Variants in MREG observed in about 807,000 individuals in gnomAD.
MREG encodes the protein dilute suppressor protein homolog.
A neutral mutation model predicts 28.5 loss-of-function variants in MREG; 31 were observed. That is an observed-to-expected ratio of 1.09 (90% CI 0.82 to 1.47). MREG has a LOEUF of 1.47. Among genes scored for constraint, MREG ranks in the 40% most tolerant of loss-of-function variants. The pLI, the probability that MREG is intolerant of heterozygous loss-of-function variation, is 0.00. For missense variants in MREG, 256 were observed against 257.4 expected (o/e 0.99, Z 0.04); for synonymous variants, 106 against 95.2 (o/e 1.11, Z -0.66).
intron 2 of MREG, among the ~76,000 whole-genome samples, chr2:215,949,035 TCTACTACTACTACTACTA>T (rs67462853): frequency 4.4e-4 from 58 of 131,090 alleles, no homozygotes; most frequent in African/African-American, 1.3e-3. Context: ...AAACCCTGTC[TCTACTACTACTACTACTA>T]CTACTACTAC....
At chr2:216,015,139 G>GTGCGCGCATGTGTGCGCGCGTGCA, upstream of MREG, among the ~76,000 whole-genome samples, 1 of 73,560 alleles carries the variant, frequency 1.4e-5, no homozygotes, top group African/African-American at 7.1e-5. Flanking sequence ...GCGCGCGTGC[G>GTGCGCGCATGTGTGCGCGCGTGCA]TCTGTGCGTG....
intron 2 of MREG, among the ~76,000 whole-genome samples, chr2:215,948,240 C>CTATA (rs1692372143): frequency 6.6e-6 from 1 of 152,154 alleles, no homozygotes; most frequent in Non-Finnish European, 1.5e-5. Flanking sequence ...TTATAGATAC[C>CTATA]ACTTGGAAAA....
chr2:216,033,752 C>T (rs1035362456), upstream of MREG: 1 of 152,374 alleles, frequency 6.6e-6, no homozygotes, highest in Admixed American at 6.5e-5. Context: ...CTTGGCAAAT[C>T]TTAAGACTCT....
At chr2:215,974,813 GACACACACACAGAC>G (rs1693198755) in intron 2 of MREG, among the ~76,000 whole-genome samples, 2 of 107,408 alleles carry the variant, frequency 1.9e-5, no homozygotes, top group South Asian at 3.0e-4. Context: ...CACAGACACA[GACACACACACAGAC>G]ACACACACAC....
intron 2 of MREG, among the ~76,000 whole-genome samples, chr2:215,954,740 G>A (rs928144795): frequency 5.3e-5 from 8 of 149,670 alleles, no homozygotes; most frequent in Non-Finnish European, 1.2e-4. Flanking sequence ...TTTCACTCTT[G>A]TTGCCCAGGC....
At chr2:216,016,036 A>G (rs1345402163), upstream of MREG, among the ~76,000 whole-genome samples, 3 of 152,212 alleles carry the variant, frequency 2.0e-5, no homozygotes, top group African/African-American at 4.8e-5. Flanking sequence ...TATCAAGTAC[A>G]TAATTCATTG....
chr2:216,016,209 C>T (rs1349823293), upstream of MREG, among the ~76,000 whole-genome samples: 3 of 152,198 alleles, frequency 2.0e-5, no homozygotes, highest in Non-Finnish European at 4.4e-5. Flanking sequence ...CACACCATGT[C>T]GCTTACCACT....
chr2:216,021,069 T>C (rs539718763), intron 1 of MREG, among the ~76,000 whole-genome samples: 1 of 152,322 alleles, frequency 6.6e-6, no homozygotes, highest in East Asian at 1.9e-4. Context: ...AAACTCCAGA[T>C]TCTTGGACCC....
chr2:215,975,221 C>T lies in MREG; in HGVS notation c.255+21085G>A, dbSNP rs1034774166. Among the ~76,000 whole-genome samples, 15 of 151,950 alleles carry T rather than the reference C, an allele frequency of 9.9e-5. No individual in the cohort carries two copies. In the East Asian group the frequency reaches 2.3e-3, roughly 24 times the overall value. ...TACCCATTTAGCAATAGATCATAAC[C>T]GTCTTTCTAAGTCACTATCTATAAA... On this transcript the variant is annotated intron_variant, in intron 2 of 4. Transcript: ENST00000263268.
At chr2:216,024,951 GGGAAAGGAAA>G (rs374725029) in intron 1 of MREG, among the ~76,000 whole-genome samples, 2,209 of 105,210 alleles carry the variant, frequency 0.021, 22 homozygotes, top group Non-Finnish European at 0.027. Context: ...GGGAAAGGAA[GGGAAAGGAAA>G]GGAAAGGAAA....
intron 2 of MREG, among the ~76,000 whole-genome samples, chr2:215,960,267 T>C (rs1692744938): frequency 1.3e-5 from 2 of 152,158 alleles, no homozygotes; most frequent in South Asian, 2.1e-4. Flanking sequence ...GATACTCTTA[T>C]ACAATAGGTA....
chr2:216,022,387 C>T (rs996990629), intron 1 of MREG, among the ~76,000 whole-genome samples: 6 of 152,096 alleles, frequency 3.9e-5, no homozygotes, highest in African/African-American at 1.4e-4. Flanking sequence ...ATGTGCTCTT[C>T]CCTACCTCAC....
At chr2:216,004,637 T>TC (rs1305352752) in intron 1 of MREG, among the ~76,000 whole-genome samples, 1 of 152,204 alleles carries the variant, frequency 6.6e-6, no homozygotes, top group Non-Finnish European at 1.5e-5. Flanking sequence ...CACTCTTGTT[T>TC]CCCAAGTTCA....
intron 2 of MREG, among the ~76,000 whole-genome samples, chr2:215,996,065 C>T (rs1005571239): frequency 2.0e-5 from 3 of 152,114 alleles, no homozygotes; most frequent in Non-Finnish European, 4.4e-5. Context: ...CATTGCCTTG[C>T]GTGTAATTTG....
chr2:215,963,947 G>A (rs983580024), intron 2 of MREG, among the ~76,000 whole-genome samples: 2 of 151,968 alleles, frequency 1.3e-5, no homozygotes, highest in South Asian at 2.1e-4. Flanking sequence ...TATATGTGAC[G>A]GGAAGGAAAT....
chr2:216,017,051 C>T (rs1252461691), upstream of MREG, among the ~76,000 whole-genome samples: 1 of 152,194 alleles, frequency 6.6e-6, no homozygotes, highest in Non-Finnish European at 1.5e-5. Context: ...CCCTCCACAT[C>T]CCCCCGGGTA....
intron 2 of MREG, among the ~76,000 whole-genome samples, chr2:215,963,226 G>A (rs988502037): frequency 1.2e-4 from 18 of 151,980 alleles, no homozygotes; most frequent in African/African-American, 3.9e-4. Flanking sequence ...GTGGAAGGCC[G>A]AGGCGGATGG....
intron 2 of MREG, among the ~76,000 whole-genome samples, chr2:215,994,394 A>G (rs984921820): frequency 6.6e-6 from 1 of 151,628 alleles, no homozygotes; most frequent in Non-Finnish European, 1.5e-5. Flanking sequence ...GGGGAACGTC[A>G]CACACTTGGG....
intron 2 of MREG, among the ~76,000 whole-genome samples, chr2:215,995,396 T>C (rs1375989569): frequency 3.9e-5 from 6 of 152,082 alleles, no homozygotes; most frequent in African/African-American, 1.4e-4. Flanking sequence ...CTTCTAAAAG[T>C]TATCACCTCC....
Sources: gnomAD v4.1 joint callset for allele counts (sites outside exome capture counted in the v4.1 genomes callset) on GRCh38, gnomAD v4.1.1 for gene constraint, MANE v1.5 for transcripts, NCBI Gene and HGNC (gene_info 2026-07-23, HGNC 2026-07-21) for gene names.